NBEA: variants seen among roughly 807,000 people sequenced by gnomAD.
NBEA encodes neurobeachin.
NBEA carries 44 observed loss-of-function variants against 343.4 expected under a neutral mutation model. The ratio of observed to expected loss-of-function variants is 0.13; its 90% CI spans 0.10 to 0.16. The LOEUF (loss-of-function observed/expected upper bound fraction) is 0.16, where lower values mean the gene tolerates loss of function less well. Ranked by LOEUF, NBEA falls within the 10% of genes least tolerant of loss-of-function variation. The probability of loss-of-function intolerance (pLI) is 1.00; values close to 1 mark genes in which losing one functional copy is unlikely to be tolerated. For synonymous variants in NBEA, 1,175 were observed against 1,238.7 expected, an observed-to-expected ratio of 0.95 and a Z score of 1.08; for missense variants, 2,555 against 3,631.3, an observed-to-expected ratio of 0.70 and a Z score of 7.62.
intron 48 of NBEA, among the ~76,000 whole-genome samples, chr13:35,626,492 C>G (rs1489505115): frequency 1.3e-5 from 2 of 152,120 alleles, no homozygotes; most frequent in Non-Finnish European, 2.9e-5. Flanking sequence ...AATGAATGCG[C>G]TTAGCTGATC....
intron 37 of NBEA, among the ~76,000 whole-genome samples, chr13:35,350,061 G>A (rs1284541055): frequency 3.9e-5 from 6 of 152,078 alleles, no homozygotes; most frequent in Admixed American, 3.9e-4. Context: ...TAAAAGTATA[G>A]TGATCTTTAA....
At position 35,159,598 on chromosome 13, in the gene NBEA, A is replaced by G. The variant is rs752447434; in HGVS notation, c.3427A>G (p.Ser1143Gly). The change falls in exon 22 of 59, where the codon AGT (serine) becomes GGT (glycine). Residue 1143 changes from serine to glycine, a missense_variant. Around this residue, in one of 21 missense-constraint regions of NBEA, gnomAD observed 367 missense variants for 377.5 expected, o/e 0.97. Transcript: ENST00000379939. ...ADEKEDLPNS[S>G]TSFLFDKIPK... ...TGAGAAAGAAGACCTTCCCAATAGT[A>G]GTACATCATTTCTCTTTGATAAAAT... 6.2e-7 allele frequency: 1 copy of G among 1,611,998 alleles called. No individual in the cohort carries two copies.
intron 38 of NBEA, among the ~76,000 whole-genome samples, chr13:35,373,737 C>A (rs915893511): frequency 7.3e-6 from 1 of 136,482 alleles, no homozygotes; most frequent in Non-Finnish European, 1.6e-5. Context: ...ATAACAAAAA[C>A]CTAAGAAAGA....
intron 36 of NBEA, among the ~76,000 whole-genome samples, chr13:35,348,183 A>G (rs2039992787): frequency 6.6e-6 from 1 of 152,116 alleles, no homozygotes; most frequent in Non-Finnish European, 1.5e-5. Context: ...TCTCTGCCAC[A>G]TGTTATTAAA....
Position 35,249,294 on chromosome 13 carries a change from A to C in NBEA, c.5776+16675A>C, listed in dbSNP as rs532502718. On this transcript the variant is annotated intron_variant, in intron 34 of 58. Transcript: ENST00000379939. ...ACATCAAAATTTTAAACTTCTGTGC[A>C]TCAAAAGACACAATCAACAGAGTGA... 1.2e-3 allele frequency among the ~76,000 whole-genome samples: 186 copies of C among 152,328 alleles called. 5 individuals carry two copies. Among genetic ancestry groups the C allele is most frequent in the Non-Finnish European group, 1.1e-3 (78 of 68,026 alleles).
chr13:35,251,811 G>A (rs1441245792), intron 34 of NBEA: 5 of 177,884 alleles, frequency 2.8e-5, no homozygotes, highest in South Asian at 1.2e-4. Context: ...CTGCCCACGG[G>A]GCAGTCCATG....
At chr13:35,265,289 A>G (rs768383071) in intron 34 of NBEA, among the ~76,000 whole-genome samples, 2 of 152,006 alleles carry the variant, frequency 1.3e-5, no homozygotes, top group Non-Finnish European at 1.5e-5. Context: ...TAGTATTCAA[A>G]CTACACAAAG....
chr13:35,352,974 A>T (rs574151386), intron 38 of NBEA, among the ~76,000 whole-genome samples: 1 of 152,268 alleles, frequency 6.6e-6, no homozygotes, highest in South Asian at 2.1e-4. Flanking sequence ...CTAGAAGTGA[A>T]ACAGGTCACT....
intron 40 of NBEA, among the ~76,000 whole-genome samples, chr13:35,464,972 G>A (rs983303013): frequency 1.3e-5 from 2 of 152,050 alleles, no homozygotes; most frequent in Admixed American, 1.3e-4. Context: ...ATTACAAAGA[G>A]CAAGCAAGTT....
chr13:35,590,081 A>G (rs550986740), intron 46 of NBEA, among the ~76,000 whole-genome samples: 1 of 152,208 alleles, frequency 6.6e-6, no homozygotes, highest in African/African-American at 2.4e-5. Flanking sequence ...AAATGGCCCA[A>G]TTGACAGGTA....
Position 35,628,247 on chromosome 13 carries a change from A to T in NBEA, c.7616A>T (p.Glu2539Val), listed in dbSNP as rs777733555. ...AGTATCACTGATCCTGTGCTCAGGG[A>T]GGTAGGTGTTAAATCCCATATTATT... The part of the protein sequence containing the change: ...LDSITDPVLR[E>V]IPEAYFIRDP... Residue 2539 changes from glutamate to valine, a missense_variant and splice_region_variant, in exon 49 of 59, where the codon GAG becomes GTG. This residue lies in a region of NBEA where 87 missense variants were observed against 75.0 expected (regional missense o/e 1.16). Transcript: ENST00000379939. 16 of 1,592,642 alleles carry T rather than the reference A, an allele frequency of 1.0e-5. No homozygotes were observed. The East Asian group carries it at 3.2e-4, about 32-fold the overall frequency.
At chr13:35,200,572 T>C (rs1171098183) in intron 31 of NBEA, among the ~76,000 whole-genome samples, 3 of 151,938 alleles carry the variant, frequency 2.0e-5, no homozygotes, top group Non-Finnish European at 4.4e-5. Context: ...GTTGTGTTGC[T>C]TCTTTGGCTA....
intron 11 of NBEA, among the ~76,000 whole-genome samples, 165 bp downstream of exon 11, chr13:35,098,570 G>T (rs1280822569): frequency 6.6e-6 from 1 of 151,922 alleles, no homozygotes; most frequent in Non-Finnish European, 1.5e-5. Context: ...GGAATTAACT[G>T]GGTATCGGAA....
At chr13:35,352,450 A>T (rs1264924967) in intron 38 of NBEA, 127 bp downstream of exon 38, 5 of 558,070 alleles carry the variant, frequency 9.0e-6, no homozygotes, top group Non-Finnish European at 1.3e-5. Flanking sequence ...AATTACTTGA[A>T]AATTTTCCTG....
chr13:35,250,256 T>G (rs892898706), intron 34 of NBEA, among the ~76,000 whole-genome samples: 6 of 152,136 alleles, frequency 3.9e-5, no homozygotes, highest in South Asian at 2.1e-4. Context: ...ACCCATAGAC[T>G]GGAAAGGTAT....
chr13:35,238,682 C>T (rs2075345112), intron 34 of NBEA, among the ~76,000 whole-genome samples: 1 of 152,102 alleles, frequency 6.6e-6, no homozygotes, highest in South Asian at 2.1e-4. Flanking sequence ...ATACATGAGG[C>T]TCTCCCTTTT....
At chr13:35,069,719 T>C (rs1255553956) in intron 8 of NBEA, among the ~76,000 whole-genome samples, 189 bp from the exon 9 acceptor site, 4 of 152,178 alleles carry the variant, frequency 2.6e-5, no homozygotes, top group Admixed American at 6.5e-5. Flanking sequence ...AGCATTTTTA[T>C]TGGCATAATA....
At chr13:35,355,394 C>T (rs1479678542) in intron 38 of NBEA, among the ~76,000 whole-genome samples, 1 of 152,094 alleles carries the variant, frequency 6.6e-6, no homozygotes, top group African/African-American at 2.4e-5. Flanking sequence ...ACTGTAACCA[C>T]TAGTCATGTG....
chr13:35,315,714 A>G (rs908729758), intron 36 of NBEA, among the ~76,000 whole-genome samples: 1 of 152,156 alleles, frequency 6.6e-6, no homozygotes, highest in Admixed American at 6.6e-5. Context: ...TGTCCTTTAG[A>G]ATAGGGGAAA....
Sources: allele counts gnomAD v4.1 joint callset (sites outside exome capture counted in the v4.1 genomes callset), GRCh38; gene constraint gnomAD v4.1.1; regional missense constraint gnomAD v4.1.1; transcripts MANE v1.5; gene names NCBI Gene and HGNC (gene_info 2026-07-23, HGNC 2026-07-21).